ARB2A: variants seen among roughly 807,000 people sequenced by gnomAD.
The protein encoded by ARB2A is ARB2 cotranscriptional regulator A, also known as cotranscriptional regulator ARB2A.
chr5:93,831,770 T>C, the ARB2A span, among the ~76,000 whole-genome samples: 1 of 152,164 alleles, frequency 6.6e-6, no homozygotes, highest in Non-Finnish European at 1.5e-5. Flanking sequence ...TTACAGAGAA[T>C]AGTATTACAG....
chr5:93,683,229 C>G, the ARB2A span: 1 of 1,401,510 alleles, frequency 7.1e-7, no homozygotes, highest in Middle Eastern at 2.0e-4. Flanking sequence ...TCATCGTCAT[C>G]ATCTTCATCA....
the ARB2A span, among the ~76,000 whole-genome samples, chr5:93,952,578 T>C: frequency 6.6e-6 from 1 of 152,336 alleles, no homozygotes; most frequent in East Asian, 1.9e-4. Context: ...TTATTTTCTC[T>C]TGCTGCTTTT....
the ARB2A span, among the ~76,000 whole-genome samples, chr5:94,072,198 T>G: frequency 2.0e-5 from 3 of 152,114 alleles, no homozygotes; most frequent in Non-Finnish European, 4.4e-5. Flanking sequence ...GATTAATGAT[T>G]GCCAGGAGAC....
chr5:93,678,171 G>T, the ARB2A span, among the ~76,000 whole-genome samples: 1 of 152,202 alleles, frequency 6.6e-6, no homozygotes, highest in Non-Finnish European at 1.5e-5. Flanking sequence ...GTTATACAGA[G>T]AAGTGTTAAC....
the ARB2A span, among the ~76,000 whole-genome samples, chr5:93,654,743 A>T: frequency 6.6e-6 from 1 of 152,324 alleles, no homozygotes; most frequent in East Asian, 1.9e-4. Flanking sequence ...TGCTGTGTAG[A>T]AACTTTATTT....
chr5:94,053,128 T>TC, the ARB2A span: 1 of 1,543,660 alleles, frequency 6.5e-7, no homozygotes. Context: ...CCACTTACTT[T>TC]CATTAAAAGC....
At chr5:93,746,885 T>C in the ARB2A span, among the ~76,000 whole-genome samples, 3 of 152,326 alleles carry the variant, frequency 2.0e-5, no homozygotes, top group Middle Eastern at 3.4e-3. Flanking sequence ...TATTCATAGA[T>C]AGTCAGAGAT....
chr5:93,717,873 C>T, the ARB2A span, among the ~76,000 whole-genome samples: 1 of 144,748 alleles, frequency 6.9e-6, no homozygotes, highest in Non-Finnish European at 1.5e-5. Context: ...CTCGCTCTGT[C>T]ACACAGGCTG....
At chr5:93,929,020 T>C in the ARB2A span, among the ~76,000 whole-genome samples, 1 of 152,062 alleles carries the variant, frequency 6.6e-6, no homozygotes, top group Non-Finnish European at 1.5e-5. Flanking sequence ...TTTTTGATAT[T>C]AGTCTTCAAA....
chr5:93,681,272 C>T, the ARB2A span, among the ~76,000 whole-genome samples: 1 of 152,198 alleles, frequency 6.6e-6, no homozygotes, highest in Admixed American at 6.5e-5. Context: ...CCTACACATG[C>T]ACTGGCAAGA....
At chr5:93,656,992 T>C in the ARB2A span, among the ~76,000 whole-genome samples, 1 of 152,084 alleles carries the variant, frequency 6.6e-6, no homozygotes, top group Non-Finnish European at 1.5e-5. Context: ...CCTCAGTAAG[T>C]GTGAACTGCG....
At chr5:93,866,756 G>A in the ARB2A span, among the ~76,000 whole-genome samples, 1 of 152,092 alleles carries the variant, frequency 6.6e-6, no homozygotes, top group South Asian at 2.1e-4. Context: ...GTAAAGCAAG[G>A]GATGACTGTG....
At chr5:93,918,758 T>C in the ARB2A span, among the ~76,000 whole-genome samples, 3 of 152,176 alleles carry the variant, frequency 2.0e-5, no homozygotes, top group Non-Finnish European at 4.4e-5. Flanking sequence ...AGTCCCGTAT[T>C]GCTTCCTGTA....
chr5:93,758,533 A>G, the ARB2A span, among the ~76,000 whole-genome samples: 1 of 152,222 alleles, frequency 6.6e-6, no homozygotes, highest in African/African-American at 2.4e-5. Flanking sequence ...GAAAGAAATT[A>G]TATCAAGCAC....
the ARB2A span, among the ~76,000 whole-genome samples, chr5:93,756,443 G>A: frequency 4.6e-5 from 7 of 152,118 alleles, no homozygotes; most frequent in East Asian, 3.9e-4. Flanking sequence ...GCATTAAACC[G>A]CCAAACTAAG....
chr5:93,947,680 C>A, the ARB2A span, among the ~76,000 whole-genome samples: 1 of 113,276 alleles, frequency 8.8e-6, no homozygotes, highest in African/African-American at 3.4e-5. Flanking sequence ...CCCCACCCCA[C>A]AACAGTCCCC....
the ARB2A span, among the ~76,000 whole-genome samples, chr5:94,034,919 G>A: frequency 6.6e-6 from 1 of 152,086 alleles, no homozygotes. Flanking sequence ...ACCCTACTGT[G>A]AACTGTACAC....
At chr5:93,789,922 A>G in the ARB2A span, among the ~76,000 whole-genome samples, 5 of 152,212 alleles carry the variant, frequency 3.3e-5, no homozygotes, top group Non-Finnish European at 5.9e-5. Context: ...AAATGTGAAG[A>G]CCAAACTGCC....
chr5:93,793,076 T>C, the ARB2A span, among the ~76,000 whole-genome samples: 1 of 151,660 alleles, frequency 6.6e-6, no homozygotes, highest in Non-Finnish European at 1.5e-5. Context: ...TAGATTTTTT[T>C]ATTTTTATTT....
Sources: allele counts gnomAD v4.1 joint callset (sites outside exome capture counted in the v4.1 genomes callset), GRCh38; gene constraint gnomAD v4.1.1; transcripts MANE v1.5; gene names NCBI Gene and HGNC (gene_info 2026-07-23, HGNC 2026-07-21).